LSAMP: variants seen among roughly 807,000 people sequenced by gnomAD.
The protein encoded by LSAMP is limbic system associated membrane protein, also known as limbic system-associated membrane protein.
LSAMP carries 7 observed loss-of-function variants against 38.6 expected under a neutral mutation model. The ratio of observed to expected loss-of-function variants is 0.18; its 90% CI spans 0.10 to 0.34. The LOEUF (loss-of-function observed/expected upper bound fraction) is 0.34, where lower values mean the gene tolerates loss of function less well. Among genes scored for constraint, LSAMP ranks in the 10% least tolerant of loss-of-function variants. The pLI is 1.00. For missense variants in LSAMP, 313 were observed against 420.0 expected, an observed-to-expected ratio of 0.75 and a Z score of 2.23; for synonymous variants, 154 against 166.8, an observed-to-expected ratio of 0.92 and a Z score of 0.59.
chr3:115,939,189 A>G (rs1478834366), intron 3 of LSAMP, among the ~76,000 whole-genome samples: 1 of 152,162 alleles, frequency 6.6e-6, no homozygotes, highest in Non-Finnish European at 1.5e-5. Context: ...AATAAAATAA[A>G]TTTACCATCG....
At chr3:116,210,795 T>C (rs1306709889) in intron 1 of LSAMP, among the ~76,000 whole-genome samples, 1 of 151,758 alleles carries the variant, frequency 6.6e-6, no homozygotes, top group Non-Finnish European at 1.5e-5. Flanking sequence ...TAATAGTAAA[T>C]AACAATGAAA....
intron 1 of LSAMP, among the ~76,000 whole-genome samples, chr3:116,208,734 C>T (rs2046106218): frequency 1.1e-5 from 1 of 93,650 alleles, no homozygotes; most frequent in African/African-American, 3.0e-5. Flanking sequence ...GTCAGGGACC[C>T]ACTTGAGGAG....
chr3:116,349,894 A>G (rs1183802300), intron 1 of LSAMP, among the ~76,000 whole-genome samples: 1 of 152,028 alleles, frequency 6.6e-6, no homozygotes, highest in Non-Finnish European at 1.5e-5. Context: ...GTATATTTAC[A>G]TGTTTTCTGA....
intron 1 of LSAMP, among the ~76,000 whole-genome samples, chr3:116,349,260 T>C (rs921376785): frequency 1.5e-4 from 23 of 152,106 alleles, no homozygotes; most frequent in Non-Finnish European, 1.9e-4. Flanking sequence ...ATTTAAAAAA[T>C]GAAAACAACT....
Position 115,804,776 on chromosome 3 carries a change from CAA to C in LSAMP, c.*5539_*5540del, listed in dbSNP as rs1933594817. 1 of 152,010 alleles carries C rather than the reference CAA, an allele frequency of 6.6e-6. No individual in the cohort carries two copies. Among genetic ancestry groups the C allele is most frequent in the African/African-American group, 2.4e-5 (1 of 41,378 alleles). The allele number at this position is 152,010 out of a possible 1,614,324, so 9.4% of individuals were successfully genotyped here. A position where few individuals can be genotyped will look rare whatever the true frequency, so the allele number is the denominator to read the frequency against. On this transcript the variant is annotated 3_prime_UTR_variant, in exon 7 of 7. Coordinates refer to ENST00000490035, the MANE Select transcript of LSAMP (RefSeq NM_002338.5). Reference sequence around the variant, plus strand: ...ATCCTGTTACACGTGTCAGGCACTTCAAAAAGACTCCAAGAGAACATGCCTGA... The same window carrying C: ...ATCCTGTTACACGTGTCAGGCACTTCAAAGACTCCAAGAGAACATGCCTGA...
At chr3:116,212,502 C>T (rs1364369707) in intron 1 of LSAMP, among the ~76,000 whole-genome samples, 1 of 151,848 alleles carries the variant, frequency 6.6e-6, no homozygotes, top group Non-Finnish European at 1.5e-5. Flanking sequence ...ACCATTTACC[C>T]TGTTAAGGCT....
At chr3:116,031,553 T>G (rs1940924908) in intron 2 of LSAMP, among the ~76,000 whole-genome samples, 2 of 40,816 alleles carry the variant, frequency 4.9e-5, no homozygotes, top group Non-Finnish European at 1.0e-4. Flanking sequence ...TTTTTTTTTT[T>G]TTTTTTTTTT....
rs540431142 is a variant in LSAMP, at chr3:115,938,650, T to C, written c.514+80865A>G. On this transcript the variant is annotated intron_variant, in intron 3 of 6. Transcript: ENST00000490035. ...AGTTTTAAGAAAAACTTCCCATGTA[T>C]AAAATTCAGGTACGAAAGAAGATGC... 3.9e-5 allele frequency among the ~76,000 whole-genome samples: 6 copies of C among 152,292 alleles called. No individual in the cohort carries two copies. The South Asian group carries it at 1.2e-3, about 32-fold the overall frequency.
intron 3 of LSAMP, among the ~76,000 whole-genome samples, chr3:115,958,807 G>A (rs530767102): frequency 6.6e-6 from 1 of 151,988 alleles, no homozygotes; most frequent in Non-Finnish European, 1.5e-5. Context: ...CAAGTGAAGC[G>A]TTAAGCACTT....
intron 3 of LSAMP, among the ~76,000 whole-genome samples, chr3:115,927,791 C>G (rs1323806731): frequency 6.6e-6 from 1 of 152,172 alleles, no homozygotes; most frequent in African/African-American, 2.4e-5. Flanking sequence ...CCATACACTC[C>G]CGCTGCTTCA....
Position 116,034,323 on chromosome 3 carries a change from G to A in LSAMP, c.389-14683C>T, listed in dbSNP as rs116260581. ...GAGAACCAGGCCTGGTGGCCACCAG[G>A]AATATTCTTGATTCTCAGCCCATAT... On this transcript the variant is annotated intron_variant, in intron 2 of 6. Transcript: ENST00000490035. 3.0e-3 allele frequency among the ~76,000 whole-genome samples: 449 copies of A among 152,134 alleles called. 4 individuals are homozygous for A. Among genetic ancestry groups the A allele is most frequent in the African/African-American group, 0.01 (427 of 41,514 alleles).
intron 1 of LSAMP, among the ~76,000 whole-genome samples, chr3:116,374,820 A>T (rs1396890166): frequency 6.6e-6 from 1 of 151,900 alleles, no homozygotes; most frequent in Non-Finnish European, 1.5e-5. Flanking sequence ...AAGAACTGAA[A>T]GATCACAAAC....
At chr3:116,238,293 C>T (rs2903483) in intron 1 of LSAMP, among the ~76,000 whole-genome samples, 109,796 of 152,122 alleles carry the variant, frequency 0.72, 41,074 homozygotes, top group South Asian at 0.84. Flanking sequence ...ACTAAACTAA[C>T]CTAAGCTGTT....
intron 3 of LSAMP, among the ~76,000 whole-genome samples, chr3:115,962,792 C>T (rs753695988): frequency 1.2e-4 from 18 of 152,158 alleles, no homozygotes; most frequent in Non-Finnish European, 2.2e-4. Context: ...GCCCCCAGCC[C>T]TTTGGATTTC....
chr3:116,125,897 C>T (rs1708997831), intron 1 of LSAMP, among the ~76,000 whole-genome samples: 1 of 152,148 alleles, frequency 6.6e-6, no homozygotes, highest in South Asian at 2.1e-4. Context: ...GGGCTCATTG[C>T]TCTTTCATGG....
intron 1 of LSAMP, among the ~76,000 whole-genome samples, chr3:116,192,577 A>G (rs1026852571): frequency 6.6e-6 from 1 of 152,192 alleles, no homozygotes; most frequent in African/African-American, 2.4e-5. Flanking sequence ...ATTAGAGAGA[A>G]TAAGTTGGAA....
intron 2 of LSAMP, among the ~76,000 whole-genome samples, chr3:116,065,444 A>G (rs1337984462): frequency 1.3e-5 from 2 of 152,216 alleles, no homozygotes; most frequent in Non-Finnish European, 2.9e-5. Flanking sequence ...CTAGACACTC[A>G]AAATGCTTTT....
chr3:116,369,302 A>G (rs2048399143), intron 1 of LSAMP, among the ~76,000 whole-genome samples: 1 of 152,234 alleles, frequency 6.6e-6, no homozygotes. Flanking sequence ...AATGTGATAC[A>G]CATTGAGCAG....
At chr3:116,387,386 G>C (rs1256030327) in intron 1 of LSAMP, among the ~76,000 whole-genome samples, 1 of 152,268 alleles carries the variant, frequency 6.6e-6, no homozygotes, top group Admixed American at 6.5e-5. Context: ...ATACAGAAGA[G>C]TCAGAGAACA....
Sources: gnomAD v4.1 joint callset for allele counts (sites outside exome capture counted in the v4.1 genomes callset) on GRCh38, gnomAD v4.1.1 for gene constraint, MANE v1.5 for transcripts, NCBI Gene and HGNC (gene_info 2026-07-23, HGNC 2026-07-21) for gene names.